XYLT1: variants seen among roughly 807,000 people sequenced by gnomAD.
XYLT1 encodes the protein beta-D-xylosyltransferase 1.
A neutral mutation model predicts 91.3 loss-of-function variants in XYLT1; 36 were observed. The ratio of observed to expected loss-of-function variants is 0.39; its 90% CI spans 0.30 to 0.52. XYLT1 has a LOEUF of 0.52. XYLT1 is among the 20% of genes least tolerant of loss of function. XYLT1 has a pLI of 0.68. For missense variants in XYLT1, 1,242 were observed against 1,284.5 expected (o/e 0.97, Z 0.51); for synonymous variants, 588 against 532.0 (o/e 1.11, Z -1.45).
chr16:17,248,540 A>G (rs1471029738), intron 3 of XYLT1, among the ~76,000 whole-genome samples: 1 of 152,122 alleles, frequency 6.6e-6, no homozygotes, highest in African/African-American at 2.4e-5. Context: ...GCTTATAGGA[A>G]GAGCTCCCCT....
intron 11 of XYLT1, among the ~76,000 whole-genome samples, chr16:17,113,369 C>G (rs914609767): frequency 6.6e-6 from 1 of 152,000 alleles, no homozygotes; most frequent in African/African-American, 2.4e-5. Context: ...TCTTGAACTC[C>G]TGACCTTGAG....
intron 3 of XYLT1, among the ~76,000 whole-genome samples, chr16:17,216,378 G>T (rs1338689134): frequency 6.6e-6 from 1 of 152,098 alleles, no homozygotes; most frequent in Non-Finnish European, 1.5e-5. Flanking sequence ...AAAGTTAACA[G>T]TACATTAATT....
At chr16:17,444,215 T>C (rs547133949) in intron 1 of XYLT1, among the ~76,000 whole-genome samples, 8 of 152,344 alleles carry the variant, frequency 5.3e-5, no homozygotes, top group South Asian at 2.1e-4. Context: ...CAGCCCACCA[T>C]AGTCACCGTC....
intron 1 of XYLT1, among the ~76,000 whole-genome samples, chr16:17,397,141 T>A (rs968289167): frequency 6.6e-6 from 1 of 152,188 alleles, no homozygotes; most frequent in Non-Finnish European, 1.5e-5. Flanking sequence ...TCAGGAGGGA[T>A]GTGATCAGGG....
At chr16:17,127,515 G>A in intron 10 of XYLT1, 151 bp downstream of exon 10, 1 of 916,662 alleles carries the variant, frequency 1.1e-6, no homozygotes, top group Non-Finnish European at 1.6e-6. Flanking sequence ...TGGGGCCGGA[G>A]AACCTTCTTC....
intron 1 of XYLT1, among the ~76,000 whole-genome samples, chr16:17,384,674 T>C (rs558359975): frequency 7.8e-4 from 118 of 151,892 alleles, no homozygotes; most frequent in African/African-American, 2.7e-3. Context: ...CTACCAACCC[T>C]GCCCAGAAAA....
At chr16:17,344,076 T>A (rs1239832102) in intron 2 of XYLT1, among the ~76,000 whole-genome samples, 1 of 152,128 alleles carries the variant, frequency 6.6e-6, no homozygotes, top group Non-Finnish European at 1.5e-5. Context: ...CCAGAGATAT[T>A]CGGCAATGTC....
In XYLT1 at chr16:17,105,014, T is replaced by C. The variant is rs1400997917; in HGVS notation, c.*3681A>G. ...AGTGTGTTAACAGCTGTTTCTAGAA[T>C]GTACACCTCTCCACCCCTAGATGTA... On this transcript the variant is annotated 3_prime_UTR_variant, in exon 12 of 12. Coordinates refer to ENST00000261381, the MANE Select transcript of XYLT1 (RefSeq NM_022166.4). The C allele has an allele frequency of 3.0e-5, 4 of 134,592 alleles. No individual in the cohort carries two copies. Among genetic ancestry groups the C allele is most frequent in the African/African-American group, 1.2e-4 (3 of 24,750 alleles). 8.3% of individuals were successfully genotyped at this position (134,592 alleles called of 1,614,324 possible).
At chr16:17,363,858 TA>T (rs1232437508) in intron 1 of XYLT1, among the ~76,000 whole-genome samples, 2 of 152,196 alleles carry the variant, frequency 1.3e-5, no homozygotes, top group African/African-American at 4.8e-5. Flanking sequence ...TTTGTATTTT[TA>T]GTAGAGATGG....
At chr16:17,159,000 G>A in intron 5 of XYLT1, 91 bp from the exon 6 acceptor site, 1 of 1,120,838 alleles carries the variant, frequency 8.9e-7, no homozygotes, top group Non-Finnish European at 1.4e-6. Context: ...ATGTCAGTCT[G>A]CTTGAAGCAC....
intron 1 of XYLT1, among the ~76,000 whole-genome samples, chr16:17,462,329 T>C (rs1029341559): frequency 1.3e-5 from 2 of 152,130 alleles, no homozygotes; most frequent in Non-Finnish European, 2.9e-5. Flanking sequence ...CCCTTCCTCA[T>C]CTGGCAGGGT....
intron 6 of XYLT1, among the ~76,000 whole-genome samples, chr16:17,151,624 C>T (rs1173352534): frequency 1.3e-5 from 2 of 152,090 alleles, no homozygotes; most frequent in African/African-American, 2.4e-5. Context: ...ATCAGTGGCA[C>T]ATGTACCAGT....
chr16:17,199,230 C>T (rs1173712590), intron 4 of XYLT1, among the ~76,000 whole-genome samples: 1 of 152,164 alleles, frequency 6.6e-6, no homozygotes, highest in Non-Finnish European at 1.5e-5. Flanking sequence ...ACAAGACTTC[C>T]CCCTTTGCCT....
chr16:17,187,818 G>T (rs1284765631), intron 5 of XYLT1, among the ~76,000 whole-genome samples: 1 of 151,776 alleles, frequency 6.6e-6, no homozygotes, highest in South Asian at 2.1e-4. Flanking sequence ...AGACAAAGAG[G>T]GGTCTCCACC....
At chr16:17,211,685 G>A (rs189604552) in intron 3 of XYLT1, among the ~76,000 whole-genome samples, 104 of 152,252 alleles carry the variant, frequency 6.8e-4, no homozygotes, top group African/African-American at 2.4e-3. Context: ...CTGTTCTGAC[G>A]TCAAATACCA....
At chr16:17,224,113 A>G (rs181648047) in intron 3 of XYLT1, among the ~76,000 whole-genome samples, 3 of 152,332 alleles carry the variant, frequency 2.0e-5, no homozygotes, top group African/African-American at 7.2e-5. Flanking sequence ...TGGAAAATGG[A>G]AAGGAAATAC....
At chr16:17,395,220 G>A (rs1450378058) in intron 1 of XYLT1, among the ~76,000 whole-genome samples, 1 of 152,048 alleles carries the variant, frequency 6.6e-6, no homozygotes, top group Non-Finnish European at 1.5e-5. Context: ...GAACAGCATG[G>A]GGAAAACCTC....
intron 3 of XYLT1, among the ~76,000 whole-genome samples, chr16:17,239,686 TCATCCATCCACC>T (rs2033314894): frequency 6.7e-6 from 1 of 149,272 alleles, no homozygotes; most frequent in African/African-American, 2.5e-5. Context: ...ATTCATCCAT[TCATCCATCCACC>T]CATCCATCCA....
chr16:17,342,972 T>C (rs1350124442), intron 2 of XYLT1, among the ~76,000 whole-genome samples: 1 of 152,172 alleles, frequency 6.6e-6, no homozygotes, highest in Admixed American at 6.5e-5. Flanking sequence ...GAAAAATGTT[T>C]ATAAAAACAA....
Sources: gnomAD v4.1 joint callset for allele counts (sites outside exome capture counted in the v4.1 genomes callset) on GRCh38, gnomAD v4.1.1 for gene constraint, MANE v1.5 for transcripts, NCBI Gene and HGNC (gene_info 2026-07-23, HGNC 2026-07-21) for gene names.